Variants in CELF2 observed in about 807,000 individuals in gnomAD.
CELF2 encodes CUG triplet repeat RNA-binding protein 2.
Under a neutral mutation model 62.6 loss-of-function variants are expected in CELF2, and 8 were observed. The ratio of observed to expected loss-of-function variants is 0.13; its 90% CI spans 0.07 to 0.23. The LOEUF (loss-of-function observed/expected upper bound fraction) is 0.23, where lower values mean the gene tolerates loss of function less well. CELF2 is among the 10% of genes least tolerant of loss of function. The pLI is 1.00. For synonymous variants in CELF2, 258 were observed against 250.0 expected, an observed-to-expected ratio of 1.03 and a Z score of -0.30; for missense variants, 333 against 671.0, an observed-to-expected ratio of 0.50 and a Z score of 5.56.
chr10:10,508,203 G>A, the CELF2 span, among the ~76,000 whole-genome samples: 3 of 152,012 alleles, frequency 2.0e-5, no homozygotes, highest in Admixed American at 6.5e-5. Context: ...CCTTGCAATA[G>A]GCAGTCAAAT....
the CELF2 span, among the ~76,000 whole-genome samples, chr10:10,754,731 G>A: frequency 6.6e-6 from 1 of 152,236 alleles, no homozygotes; most frequent in Middle Eastern, 3.4e-3. Context: ...TTGACTCCTT[G>A]CTCTTTAGCC....
At chr10:10,954,685 C>A (rs2048712877) in intron 2 of CELF2, among the ~76,000 whole-genome samples, 1 of 152,158 alleles carries the variant, frequency 6.6e-6, no homozygotes, top group Non-Finnish European at 1.5e-5. Context: ...TTTGTAGAAG[C>A]AAATGGTAGA....
chr10:10,983,987 T>A lies in CELF2; in HGVS notation c.89+63988T>A, dbSNP rs2052444342. On this transcript the variant is annotated intron_variant, in intron 2 of 13. Transcript: ENST00000636488. This position sits in a 1 kb window ranked among gnomAD's most constrained non-coding sequence, Gnocchi z 5.2. ...TATTAAGTTGCGAATGGAAGACTTA[T>A]AACCACACATGTGAATCTGCCGATT... is the stretch of plus-strand genomic sequence containing the variant. Among the ~76,000 whole-genome samples, 2 of 152,242 alleles carry A rather than the reference T, an allele frequency of 1.3e-5. No individual in the cohort carries two copies. The highest frequency in any genetic ancestry group is 4.1e-4 in the South Asian group (2 of 4,830).
At chr10:10,838,623 A>T (rs2058464402) in intron 1 of CELF2, among the ~76,000 whole-genome samples, 2 of 151,750 alleles carry the variant, frequency 1.3e-5, no homozygotes, top group Non-Finnish European at 2.9e-5. Context: ...GTAATTCATT[A>T]CTCCTTAATT....
At chr10:10,605,377 G>A in the CELF2 span, among the ~76,000 whole-genome samples, 1 of 152,098 alleles carries the variant, frequency 6.6e-6, no homozygotes, top group Non-Finnish European at 1.5e-5. Flanking sequence ...CTTGGTACAC[G>A]TTTACATATG....
intron 4 of CELF2, among the ~76,000 whole-genome samples, chr10:11,252,618 G>T (rs1040091378): frequency 2.0e-5 from 3 of 152,226 alleles, no homozygotes; most frequent in Non-Finnish European, 2.9e-5. Context: ...TGCACTTTGG[G>T]ATGTCACTGA....
the CELF2 span, among the ~76,000 whole-genome samples, chr10:10,522,761 G>A: frequency 6.6e-6 from 1 of 152,020 alleles, no homozygotes; most frequent in Non-Finnish European, 1.5e-5. Flanking sequence ...GTAGAGATGG[G>A]GTTTCATCAT....
At chr10:10,870,319 G>A (rs1285937637) in intron 1 of CELF2, among the ~76,000 whole-genome samples, 1 of 152,032 alleles carries the variant, frequency 6.6e-6, no homozygotes, top group Non-Finnish European at 1.5e-5. Flanking sequence ...ACATGTAAAT[G>A]TATTGCCTAT....
intron 1 of CELF2, among the ~76,000 whole-genome samples, chr10:11,113,579 T>G (rs1204546455): frequency 6.6e-6 from 1 of 152,220 alleles, no homozygotes; most frequent in Non-Finnish European, 1.5e-5. Flanking sequence ...TTTGCCCCTT[T>G]AAATATACGT....
chr10:10,730,348 A>G, the CELF2 span, among the ~76,000 whole-genome samples: 1 of 152,118 alleles, frequency 6.6e-6, no homozygotes, highest in Non-Finnish European at 1.5e-5. Flanking sequence ...ATGGTGATGC[A>G]TGCCTGTAAT....
the CELF2 span, among the ~76,000 whole-genome samples, chr10:10,645,107 G>A: frequency 6.6e-6 from 1 of 152,200 alleles, no homozygotes; most frequent in South Asian, 2.1e-4. Context: ...GATGCTTTCA[G>A]GACAGTAGGG....
chr10:10,857,649 G>GTGTATATATATATA (rs1554855649), intron 1 of CELF2, among the ~76,000 whole-genome samples: 1 of 94,210 alleles, frequency 1.1e-5, no homozygotes, highest in Admixed American at 1.3e-4. Context: ...CATATATATA[G>GTGTATATATATATA]TATATATATA....
upstream of CELF2, among the ~76,000 whole-genome samples, chr10:11,004,424 T>C (rs11594705): frequency 0.078 from 10,105 of 128,784 alleles, 355 homozygotes; most frequent in Middle Eastern, 0.18. The surrounding 1 kb of genome is among the most constrained non-coding windows in gnomAD (Gnocchi z 5.0). Flanking sequence ...TGCGCGCGCG[T>C]GTGTGTGTGT....
chr10:10,542,164 C>T, the CELF2 span, among the ~76,000 whole-genome samples: 3 of 152,188 alleles, frequency 2.0e-5, no homozygotes, highest in Non-Finnish European at 4.4e-5. Flanking sequence ...GTTCTAAATG[C>T]TTTGACGGGT....
At chr10:11,310,402 C>G (rs2094500407) in intron 9 of CELF2, among the ~76,000 whole-genome samples, 1 of 152,180 alleles carries the variant, frequency 6.6e-6, no homozygotes, top group Non-Finnish European at 1.5e-5. Context: ...TTGTGGGTCA[C>G]ATGCCACAGA....
At chr10:11,327,304 T>G (rs1437410963) in intron 12 of CELF2, among the ~76,000 whole-genome samples, 1 of 152,180 alleles carries the variant, frequency 6.6e-6, no homozygotes, top group Non-Finnish European at 1.5e-5. Context: ...AACAATATTC[T>G]AGATTTGGAA....
At chr10:10,697,450 G>C in the CELF2 span, among the ~76,000 whole-genome samples, 15 of 152,256 alleles carry the variant, frequency 9.9e-5, 1 homozygote, top group East Asian at 2.5e-3. Context: ...ACCAGTCTGT[G>C]GGCATCAGTG....
At chr10:11,083,576 C>T (rs2074610203) in intron 1 of CELF2, among the ~76,000 whole-genome samples, 1 of 152,186 alleles carries the variant, frequency 6.6e-6, no homozygotes. Flanking sequence ...TCTAGAACCT[C>T]AGTTCAGCCC....
chr10:10,654,077 A>T, the CELF2 span, among the ~76,000 whole-genome samples: 1 of 148,620 alleles, frequency 6.7e-6, no homozygotes, highest in Non-Finnish European at 1.5e-5. Context: ...CCATCAGAGA[A>T]TACTACAAAC....
Sources: allele counts gnomAD v4.1 joint callset (sites outside exome capture counted in the v4.1 genomes callset), GRCh38; gene constraint gnomAD v4.1.1; non-coding constraint Gnocchi (gnomAD v3.1); transcripts MANE v1.5; gene names NCBI Gene and HGNC (gene_info 2026-07-23, HGNC 2026-07-21).